MAF: variants seen among roughly 807,000 people sequenced by gnomAD.
The protein encoded by MAF is transcription factor Maf.
Under a neutral mutation model 22.0 loss-of-function variants are expected in MAF, and 10 were observed. The observed-to-expected ratio is 0.45, with a 90% CI of 0.28 to 0.77. The LOEUF (loss-of-function observed/expected upper bound fraction) is 0.77, where lower values mean the gene tolerates loss of function less well. MAF is among the 30% of genes least tolerant of loss of function. The pLI is 0.12. For missense variants in MAF, 544 were observed against 548.4 expected (o/e 0.99, Z 0.08); for synonymous variants, 337 against 255.8 (o/e 1.32, Z -3.03).
At chr16:79,565,184 C>G in the MAF span, among the ~76,000 whole-genome samples, 2 of 152,166 alleles carry the variant, frequency 1.3e-5, no homozygotes, top group African/African-American at 2.4e-5. Flanking sequence ...CAATCCTCTA[C>G]GTTGCCTCTG....
the MAF span, among the ~76,000 whole-genome samples, chr16:79,555,434 T>C: frequency 1.3e-5 from 2 of 152,192 alleles, no homozygotes; most frequent in Non-Finnish European, 2.9e-5. Flanking sequence ...AGGCAAGTCT[T>C]TGACAGGAAA....
At position 79,599,561 on chromosome 16, in the gene MAF, G is replaced by A. The variant is rs372169635; in HGVS notation, c.342C>T (p.Val114=). The change falls in exon 1 of 2, where the codon GTC becomes GTT. Residue 114 remains valine, a synonymous_variant. Coordinates refer to ENST00000326043, the MANE Select transcript of MAF (RefSeq NM_005360.5). ...EALGFSPEDA[V]EALISNSHQL... ...GGTGGCTGTTGCTGATGAGCGCCTC[G>A]ACCGCGTCCTCGGGGCTGAAGCCCA... 1 of 1,589,526 alleles carries A rather than the reference G, an allele frequency of 6.3e-7. No homozygotes were observed. Among genetic ancestry groups the A allele is most frequent in the Non-Finnish European group, 8.6e-7 (1 of 1,168,792 alleles).
the MAF span, among the ~76,000 whole-genome samples, chr16:79,249,852 A>G: frequency 2.0e-5 from 3 of 150,960 alleles, no homozygotes; most frequent in Non-Finnish European, 2.9e-5. Context: ...CCACTATTTT[A>G]TATTCCTTGA....
At chr16:79,579,005 T>A in the MAF span, among the ~76,000 whole-genome samples, 1 of 152,168 alleles carries the variant, frequency 6.6e-6, no homozygotes, top group Non-Finnish European at 1.5e-5. Flanking sequence ...GCTTTATATT[T>A]TACCTTTGGG....
At chr16:79,270,508 A>G in the MAF span, among the ~76,000 whole-genome samples, 1 of 152,332 alleles carries the variant, frequency 6.6e-6, no homozygotes, top group South Asian at 2.1e-4. Flanking sequence ...GCTGGAATCC[A>G]TCATCTCTCT....
At chr16:79,342,378 G>A in the MAF span, among the ~76,000 whole-genome samples, 1 of 152,228 alleles carries the variant, frequency 6.6e-6, no homozygotes, top group Non-Finnish European at 1.5e-5. Flanking sequence ...TCCAAGAGGG[G>A]CTGCAGCATG....
At chr16:79,590,659 G>C (rs753618659), downstream of MAF, among the ~76,000 whole-genome samples, 1 of 152,000 alleles carries the variant, frequency 6.6e-6, no homozygotes, top group Non-Finnish European at 1.5e-5. Context: ...ACCTGTCAGC[G>C]GCTTGTCAGT....
the MAF span, among the ~76,000 whole-genome samples, chr16:79,317,592 A>G: frequency 2.0e-5 from 3 of 150,516 alleles, no homozygotes; most frequent in Admixed American, 6.6e-5. Context: ...CCTTTCTACC[A>G]CAAATTCTTA....
chr16:79,472,042 G>T, the MAF span, among the ~76,000 whole-genome samples: 2 of 152,078 alleles, frequency 1.3e-5, no homozygotes, highest in Non-Finnish European at 2.9e-5. Context: ...GCAGGCCTTG[G>T]CTTCAGCCTG....
chr16:79,242,167 A>G, the MAF span, among the ~76,000 whole-genome samples: 1 of 151,968 alleles, frequency 6.6e-6, no homozygotes, highest in East Asian at 1.9e-4. Flanking sequence ...TCATAATGGC[A>G]GGATCAAATT....
chr16:79,291,760 G>C, the MAF span, among the ~76,000 whole-genome samples: 1 of 147,754 alleles, frequency 6.8e-6, no homozygotes, highest in Admixed American at 6.9e-5. Context: ...TCATTCAAAA[G>C]TATATATTGA....
chr16:79,507,326 G>A, the MAF span, among the ~76,000 whole-genome samples: 33 of 151,298 alleles, frequency 2.2e-4, no homozygotes, highest in Non-Finnish European at 3.1e-4. Context: ...TTGTGTCAGC[G>A]AGGATGGTCT....
downstream of MAF, among the ~76,000 whole-genome samples, chr16:79,589,173 G>T (rs562160280): frequency 6.6e-6 from 1 of 152,236 alleles, no homozygotes; most frequent in Non-Finnish European, 1.5e-5. Context: ...TAAGAAAAAG[G>T]CCCCTCATGG....
the MAF span, among the ~76,000 whole-genome samples, chr16:79,319,372 C>A: frequency 6.6e-6 from 1 of 152,192 alleles, no homozygotes; most frequent in Non-Finnish European, 1.5e-5. Context: ...TGGATCAATG[C>A]GCTCAGACTA....
At chr16:79,584,203 T>C (rs1912702207), downstream of MAF, among the ~76,000 whole-genome samples, 2 of 152,188 alleles carry the variant, frequency 1.3e-5, no homozygotes, top group South Asian at 4.1e-4. Context: ...GCCATGAAGC[T>C]GTACATGGTT....
At chr16:79,494,950 G>T in the MAF span, among the ~76,000 whole-genome samples, 2 of 152,088 alleles carry the variant, frequency 1.3e-5, no homozygotes, top group Admixed American at 6.5e-5. Flanking sequence ...ATTGTAAAGG[G>T]TGCAACTTAG....
chr16:79,498,359 G>C, the MAF span, among the ~76,000 whole-genome samples: 1 of 152,142 alleles, frequency 6.6e-6, no homozygotes, highest in Non-Finnish European at 1.5e-5. Context: ...TTACTTATGG[G>C]CACTAAAATT....
the MAF span, among the ~76,000 whole-genome samples, chr16:79,543,868 A>G: frequency 6.6e-6 from 1 of 151,762 alleles, no homozygotes; most frequent in South Asian, 2.1e-4. Flanking sequence ...TTATATTTTT[A>G]GCAGAGACGG....
At chr16:79,249,025 C>G in the MAF span, among the ~76,000 whole-genome samples, 2 of 152,182 alleles carry the variant, frequency 1.3e-5, no homozygotes, top group Non-Finnish European at 2.9e-5. Flanking sequence ...AATTCATATG[C>G]TGAAGCCTAA....
Sources: allele counts gnomAD v4.1 joint callset (sites outside exome capture counted in the v4.1 genomes callset), GRCh38; gene constraint gnomAD v4.1.1; transcripts MANE v1.5; gene names NCBI Gene and HGNC (gene_info 2026-07-23, HGNC 2026-07-21).